CTNND1: variants seen among roughly 807,000 people sequenced by gnomAD.
CTNND1 encodes catenin delta 1.
A neutral mutation model predicts 112.1 loss-of-function variants in CTNND1; 16 were observed. The ratio of observed to expected loss-of-function variants is 0.14; its 90% CI spans 0.10 to 0.22. The LOEUF (loss-of-function observed/expected upper bound fraction) is 0.22. Ranked by LOEUF, CTNND1 falls within the 10% of genes least tolerant of loss-of-function variation. The pLI, the probability that CTNND1 is intolerant of heterozygous loss-of-function variation, is 1.00. For missense variants in CTNND1, 1,008 were observed against 1,257.0 expected, an observed-to-expected ratio of 0.80 and a Z score of 3.00; for synonymous variants, 420 against 446.5, an observed-to-expected ratio of 0.94 and a Z score of 0.75.
intron 9 of CTNND1, 28 bp from the exon 10 acceptor site, chr11:57,805,854 T>G: frequency 6.2e-7 from 1 of 1,602,874 alleles, no homozygotes; most frequent in Non-Finnish European, 8.5e-7. Flanking sequence ...ACATTCTTTT[T>G]TCTCATTGGC....
rs1461632548 is a variant in CTNND1, at chr11:57,802,233, GT to G, written c.1420+39del. The G allele has an allele frequency of 2.0e-6, 3 of 1,533,986 alleles. No individual in the cohort carries two copies. In the East Asian group the frequency reaches 6.8e-5, roughly 35 times the overall value. On this transcript the variant is annotated intron_variant, in intron 7 of 20. Coordinates refer to ENST00000399050, the MANE Select transcript of CTNND1 (RefSeq NM_001085458.2). ...GCCTAAGGAAAATTGCTAAGTCAGT[GT>G]TACTCTCTAGTGATGTTGAGAACTA...
chr11:57,784,113 G>GT (rs1390273212), intron 1 of CTNND1, among the ~76,000 whole-genome samples: 1 of 151,680 alleles, frequency 6.6e-6, no homozygotes, highest in Non-Finnish European at 1.5e-5. Flanking sequence ...TAGAGGTGGG[G>GT]TTTTGCCATG....
rs1296592078 is a variant in CTNND1 at position 57,796,961 on chromosome 11, G to T, written c.925G>T (p.Gly309Trp). The T allele has an allele frequency of 3.9e-6, 6 of 1,528,974 alleles. No individual in the cohort carries two copies. The highest frequency in any genetic ancestry group is 5.3e-6 in the Non-Finnish European group (6 of 1,130,028). 94.7% of individuals were successfully genotyped at this position (1,528,974 alleles called of 1,614,324 possible). A position where few individuals can be genotyped will look rare whatever the true frequency, so the allele number is the denominator to read the frequency against. ...TGATTATGGCACTGCCCGTCGGACT[G>T]GGACACCCTCTGACCCTCGTCGGCG... ...MSDYGTARRTGTPSDPRRRLR... is the reference protein window; with the variant it reads ...MSDYGTARRTWTPSDPRRRLR... Residue 309 changes from glycine (G) to tryptophan (W), a missense_variant, in exon 6 of 21, where the codon GGG becomes TGG. Transcript: ENST00000399050.
chr11:57,811,661 C>A (rs2063370484), intron 17 of CTNND1, among the ~76,000 whole-genome samples, 175 bp downstream of exon 17: 1 of 152,178 alleles, frequency 6.6e-6, no homozygotes. Context: ...CATTAGAAAT[C>A]AAAACAAAAC....
At chr11:57,781,252 T>G (rs1198889101) in intron 1 of CTNND1, among the ~76,000 whole-genome samples, 1 of 152,140 alleles carries the variant, frequency 6.6e-6, no homozygotes, top group Non-Finnish European at 1.5e-5. Context: ...GCTGCTATTT[T>G]AAAAAAGGAA....
intron 12 of CTNND1, among the ~76,000 whole-genome samples, chr11:57,807,312 A>G (rs894895702): frequency 1.3e-5 from 2 of 152,238 alleles, no homozygotes; most frequent in African/African-American, 4.8e-5. Flanking sequence ...TTACCAAGAA[A>G]GATACTTTTT....
At chr11:57,784,409 C>CAAAAA (rs71061541) in intron 1 of CTNND1, among the ~76,000 whole-genome samples, 1 of 115,514 alleles carries the variant, frequency 8.7e-6, no homozygotes. Flanking sequence ...GATCCTGTCT[C>CAAAAA]AAAAAAAAAA....
chr11:57,793,949 G>A, intron 3 of CTNND1, 61 bp from the exon 4 acceptor site: 1 of 1,544,132 alleles, frequency 6.5e-7, no homozygotes, highest in Non-Finnish European at 9.0e-7. Context: ...AAGATCGTTT[G>A]TATTTGATAG....
intron 6 of CTNND1, among the ~76,000 whole-genome samples, chr11:57,801,029 G>T (rs1034005778): frequency 3.9e-5 from 6 of 152,166 alleles, no homozygotes; most frequent in Non-Finnish European, 8.8e-5. Context: ...GAAATTGGAG[G>T]ATGGAATCTT....
At chr11:57,777,266 A>C (rs571369016) in intron 1 of CTNND1, among the ~76,000 whole-genome samples, 1 of 152,232 alleles carries the variant, frequency 6.6e-6, no homozygotes, top group South Asian at 2.1e-4. Flanking sequence ...CCACCTGGTC[A>C]TACCAGATCC....
At position 57,803,100 on chromosome 11, in the gene CTNND1, T is replaced by A. The variant is rs564503688; in HGVS notation, c.1421-521T>A. Among the ~76,000 whole-genome samples, 13 of 152,152 alleles carry A rather than the reference T, an allele frequency of 8.5e-5. No homozygotes were observed. The East Asian group carries it at 2.5e-3, about 29-fold the overall frequency. ...AGACAGATCGGAGAGCATTGAGCAT[T>A]GCTTATAGTTTTGTTTGTTTTTTTT... is the stretch of plus-strand genomic sequence containing the variant. On this transcript the variant is annotated intron_variant, in intron 7 of 20. Transcript: ENST00000399050.
At chr11:57,765,866 A>C (rs1335002340) in intron 1 of CTNND1, among the ~76,000 whole-genome samples, 1 of 152,152 alleles carries the variant, frequency 6.6e-6, no homozygotes, top group Admixed American at 6.5e-5. Flanking sequence ...TGGTACAAAG[A>C]ATAGTATAAA....
chr11:57,811,586 C>G (rs974049758), intron 17 of CTNND1, 100 bp downstream of exon 17: 78 of 776,380 alleles, frequency 1.0e-4, no homozygotes, highest in Non-Finnish European at 1.6e-4. Context: ...AATTAGCTAG[C>G]CTTTTGTGGG....
chr11:57,779,612 C>T (rs2059366886), intron 1 of CTNND1, among the ~76,000 whole-genome samples: 1 of 152,190 alleles, frequency 6.6e-6, no homozygotes, highest in African/African-American at 2.4e-5. Context: ...TGCTGGCTAG[C>T]ACAATCTTTA....
At chr11:57,769,500 C>T (rs1168269297) in intron 1 of CTNND1, among the ~76,000 whole-genome samples, 4 of 152,134 alleles carry the variant, frequency 2.6e-5, no homozygotes, top group African/African-American at 9.7e-5. Flanking sequence ...TTCAGTTCCT[C>T]ACATTTATTT....
Position 57,808,402 on chromosome 11 carries a change from A to T in CTNND1, c.2104A>T (p.Ile702Phe). The T allele has an allele frequency of 1.2e-6, 2 of 1,610,182 alleles. No individual in the cohort carries two copies. Among genetic ancestry groups the T allele is most frequent in the Non-Finnish European group, 1.7e-6 (2 of 1,177,442 alleles). The change falls in exon 14 of 21, where the codon ATC (isoleucine) becomes TTC (phenylalanine). Residue 702 changes from isoleucine to phenylalanine, a missense_variant. Physicochemically the swap from Ile to Phe is conservative, Grantham distance 21. Around this residue, in one of 5 missense-constraint regions of CTNND1, gnomAD observed 254 missense variants for 279.5 expected, o/e 0.91. Transcript: ENST00000399050. ...TTTGCTATTCTAGTATGGTCGATAC[A>T]TCCGCTCTGCTCTGCGTCAAGAGAA... ...CAGRWTYGRYIRSALRQEKAL... is the reference protein window; with the variant it reads ...CAGRWTYGRYFRSALRQEKAL...
rs530826975 is a variant in CTNND1 at position 57,773,085 on chromosome 11, A to G, written c.-214+10966A>G. Among the ~76,000 whole-genome samples the G allele has an allele frequency of 3.9e-5, 6 of 152,042 alleles. 1 individual carries two copies. The South Asian group carries it at 1.2e-3, about 32-fold the overall frequency. ...AATCCAGGCAATCAGAGATTACCCA[A>G]AATTTTGAAATTGTTTTAAACAACT... is the stretch of plus-strand genomic sequence containing the variant. On this transcript the variant is annotated intron_variant, in intron 1 of 20. Transcript: ENST00000399050.
Position 57,801,884 on chromosome 11 carries a change from G to C in CTNND1, c.1108G>C (p.Glu370Gln). The change falls in exon 7 of 21, where the codon GAG becomes CAG. Residue 370 changes from glutamate to glutamine, a missense_variant. Physicochemically the swap from Glu to Gln is conservative, Grantham distance 29. Around this residue, in one of 5 missense-constraint regions of CTNND1, gnomAD observed 216 missense variants for 342.8 expected, o/e 0.63. Transcript: ENST00000399050. ...TAATTGGAGACAGCCAGAGCTGCCA[G>C]AGGTGATCGCCATGCTTGGATTCCG... is the stretch of plus-strand genomic sequence containing the variant. ...PPNWRQPELP[E>Q]VIAMLGFRLD... is the part of the protein sequence containing the mutation. The C allele has an allele frequency of 6.2e-7, 1 of 1,614,052 alleles. No individual in the cohort carries two copies. Among genetic ancestry groups the C allele is most frequent in the East Asian group, 2.2e-5 (1 of 44,882 alleles).
chr11:57,809,242 C>G (rs1440416881), intron 14 of CTNND1, 32 bp from the exon 15 acceptor site: 1 of 1,555,198 alleles, frequency 6.4e-7, no homozygotes. Context: ...CTGACTTGAT[C>G]TTTTCTCCCT....
Sources: gnomAD v4.1 joint callset for allele counts (sites outside exome capture counted in the v4.1 genomes callset) on GRCh38, gnomAD v4.1.1 for gene constraint, gnomAD v4.1.1 regional missense constraint, MANE v1.5 for transcripts, NCBI Gene and HGNC (gene_info 2026-07-23, HGNC 2026-07-21) for gene names.